The following PDGFRL variants were observed in gnomAD, a reference collection of about 807,000 sequenced individuals.
PDGFRL encodes the protein platelet derived growth factor receptor like, also known as platelet-derived growth factor receptor-like protein.
Under a neutral mutation model 37.2 loss-of-function variants are expected in PDGFRL, and 46 were observed. That is an observed-to-expected ratio of 1.24 (90% CI 0.98 to 1.58). The LOEUF (loss-of-function observed/expected upper bound fraction) is 1.58. PDGFRL is among the 40% of genes most tolerant of loss of function. The probability of loss-of-function intolerance (pLI) is 0.00; values close to 1 mark genes in which losing one functional copy is unlikely to be tolerated. For missense variants in PDGFRL, 692 were observed against 467.6 expected (o/e 1.48, Z -4.43); for synonymous variants, 251 against 184.3 (o/e 1.36, Z -2.93).
At chr8:17,593,367 G>A (rs1563508966) in intron 2 of PDGFRL, among the ~76,000 whole-genome samples, 1 of 151,888 alleles carries the variant, frequency 6.6e-6, no homozygotes, top group Non-Finnish European at 1.5e-5. Context: ...CAAGGTGGGC[G>A]GATCACTTGA....
chr8:17,606,825 T>C (rs1804287797), intron 2 of PDGFRL, among the ~76,000 whole-genome samples: 1 of 152,088 alleles, frequency 6.6e-6, no homozygotes, highest in Non-Finnish European at 1.5e-5. Flanking sequence ...GAGCTATTTC[T>C]GTTCACCATA....
At chr8:17,579,275 G>A (rs896846996) in intron 1 of PDGFRL, among the ~76,000 whole-genome samples, 2 of 152,140 alleles carry the variant, frequency 1.3e-5, no homozygotes, top group Non-Finnish European at 1.5e-5. Flanking sequence ...AACACACAGT[G>A]CTTCATTAAG....
intron 3 of PDGFRL, among the ~76,000 whole-genome samples, chr8:17,624,973 ATTTTTT>A (rs1179478605): frequency 7.4e-6 from 1 of 134,268 alleles, no homozygotes; most frequent in Non-Finnish European, 1.7e-5. Context: ...GCATTTATTT[ATTTTTT>A]TATTTTTATT....
At chr8:17,600,395 A>G (rs1376833211) in intron 2 of PDGFRL, among the ~76,000 whole-genome samples, 1 of 152,026 alleles carries the variant, frequency 6.6e-6, no homozygotes, top group Non-Finnish European at 1.5e-5. Context: ...TGTTGGTTCT[A>G]TACACTCCTC....
intron 3 of PDGFRL, among the ~76,000 whole-genome samples, chr8:17,626,257 G>T (rs1804731918): frequency 6.6e-6 from 1 of 152,182 alleles, no homozygotes; most frequent in Non-Finnish European, 1.5e-5. Flanking sequence ...CATGTAGATG[G>T]ACTCTGTGTG....
chr8:17,576,653 TA>T, upstream of PDGFRL: 1 of 946,860 alleles, frequency 1.1e-6, no homozygotes, highest in Non-Finnish European at 1.3e-6. Context: ...GTTATTCCTG[TA>T]ATGAACCCGT....
chr8:17,628,485 A>G lies in PDGFRL; in HGVS notation c.506-2A>G. ...AAGCCTGTGTCTTCCTTCCCTTTGC[A>G]GAGAAAGGAGAACTCTTTGTACCTT... On this transcript the variant is annotated splice_acceptor_variant, in intron 3 of 5. Coordinates refer to ENST00000251630, the MANE Select transcript of PDGFRL (RefSeq NM_001372073.1). LOFTEE classifies it high-confidence loss of function. The G allele has an allele frequency of 6.2e-7, 1 of 1,611,680 alleles. No homozygotes were observed. The highest frequency in any genetic ancestry group is 1.3e-5 in the African/African-American group (1 of 74,964).
intron 2 of PDGFRL, among the ~76,000 whole-genome samples, chr8:17,591,387 TGA>T (rs1346042511): frequency 2.6e-4 from 39 of 152,200 alleles, no homozygotes; most frequent in Non-Finnish European, 2.5e-4. Flanking sequence ...GGGAGGAACC[TGA>T]GCATGGGCTC....
At position 17,643,000 on chromosome 8, in the gene PDGFRL, C is replaced by A; in HGVS notation, c.*199C>A. 2 of 502,062 alleles carry A rather than the reference C, an allele frequency of 4.0e-6. No individual in the cohort carries two copies. Among genetic ancestry groups the A allele is most frequent in the Non-Finnish European group, 6.9e-6 (2 of 288,498 alleles). 31.1% of individuals were successfully genotyped at this position (502,062 alleles called of 1,614,324 possible). A position where few individuals can be genotyped will look rare whatever the true frequency, so the allele number is the denominator to read the frequency against. On this transcript the variant is annotated 3_prime_UTR_variant, in exon 6 of 6. Transcript: ENST00000251630. ...TTCACAGAAGTGTTAACTTTTCTAA[C>A]AGAAAGCATGATTTTGATTGCTTAC...
At position 17,641,574 on chromosome 8, in the gene PDGFRL, C is replaced by T. The variant is rs145990168; in HGVS notation, c.940-1039C>T. Among the ~76,000 whole-genome samples, 307 of 152,300 alleles carry T rather than the reference C, an allele frequency of 2.0e-3. 1 individual carries two copies. Among genetic ancestry groups the T allele is most frequent in the Non-Finnish European group, 2.7e-3 (182 of 68,014 alleles). On this transcript the variant is annotated intron_variant, in intron 5 of 5. Transcript: ENST00000251630. ...ACATCCACCAAGTGGACATAGACCACGCCAAAAAGGTGCTGTGAGGCCAGA... is the reference window on the plus strand; with the variant it reads ...ACATCCACCAAGTGGACATAGACCATGCCAAAAAGGTGCTGTGAGGCCAGA...
chr8:17,615,086 T>C (rs886437542), intron 2 of PDGFRL, among the ~76,000 whole-genome samples: 55 of 152,234 alleles, frequency 3.6e-4, no homozygotes, highest in Admixed American at 1.1e-3. Flanking sequence ...GTTATAAGTC[T>C]CATCATTGCC....
At chr8:17,627,649 T>A (rs1050808121) in intron 3 of PDGFRL, among the ~76,000 whole-genome samples, 3 of 143,464 alleles carry the variant, frequency 2.1e-5, no homozygotes, top group Non-Finnish European at 4.5e-5. Flanking sequence ...TTTTTTTTTT[T>A]ATTTTTAGTT....
At chr8:17,631,549 C>G (rs977211176) in intron 4 of PDGFRL, among the ~76,000 whole-genome samples, 1 of 152,080 alleles carries the variant, frequency 6.6e-6, no homozygotes, top group Non-Finnish European at 1.5e-5. Flanking sequence ...GAGCCCACCA[C>G]TCTTCCCCAC....
In PDGFRL at chr8:17,580,648, C is replaced by T. The variant is rs183748408; in HGVS notation, c.55+3341C>T. Reference sequence around the variant, plus strand: ...AATTTAAGGAAGTGGTAAGTGGCATCGAGAATCATGAATCAGGGTCTATTA... The same window carrying T: ...AATTTAAGGAAGTGGTAAGTGGCATTGAGAATCATGAATCAGGGTCTATTA... On this transcript the variant is annotated intron_variant, in intron 1 of 5. Transcript: ENST00000251630. 3.6e-4 allele frequency among the ~76,000 whole-genome samples: 55 copies of T among 152,214 alleles called. No homozygotes were observed. The South Asian group carries it at 0.011, about 30-fold the overall frequency.
Position 17,577,334 on chromosome 8 carries a change from C to T in PDGFRL, c.55+27C>T. The T allele has an allele frequency of 2.5e-6, 4 of 1,594,934 alleles. No individual in the cohort carries two copies. In the South Asian group the frequency reaches 4.5e-5, roughly 18 times the overall value. ...TGAGTGACTCTGGGCGCGGGGCCACCTAGCTTGTGCCCTGACTTTAGCCGG... is the reference window on the plus strand; with the variant it reads ...TGAGTGACTCTGGGCGCGGGGCCACTTAGCTTGTGCCCTGACTTTAGCCGG... On this transcript the variant is annotated intron_variant, in intron 1 of 5. Coordinates refer to ENST00000251630, the MANE Select transcript of PDGFRL (RefSeq NM_001372073.1).
chr8:17,609,649 A>T (rs1367779449), intron 2 of PDGFRL, among the ~76,000 whole-genome samples: 1 of 128,448 alleles, frequency 7.8e-6, no homozygotes, highest in African/African-American at 2.7e-5. Flanking sequence ...AAAAAAAAAA[A>T]AAAAAAAAAA....
chr8:17,619,873 T>C (rs1315074114), intron 2 of PDGFRL, among the ~76,000 whole-genome samples: 3 of 152,200 alleles, frequency 2.0e-5, no homozygotes, highest in African/African-American at 7.2e-5. Flanking sequence ...AATTACATTC[T>C]CCAAGAAGAG....
At chr8:17,634,715 G>A (rs1804934646) in intron 5 of PDGFRL, among the ~76,000 whole-genome samples, 1 of 152,076 alleles carries the variant, frequency 6.6e-6, no homozygotes, top group South Asian at 2.1e-4. Context: ...AACTAACACA[G>A]AAACAGAAAA....
At position 17,628,557 on chromosome 8, in the gene PDGFRL, T is replaced by C; in HGVS notation, c.576T>C (p.Ala192=). 6.2e-7 allele frequency: 1 copy of C among 1,613,920 alleles called. No individual in the cohort carries two copies. The highest frequency in any genetic ancestry group is 8.5e-7 in the Non-Finnish European group (1 of 1,179,754). Residue 192 remains alanine, a synonymous_variant, in exon 4 of 6, where the codon GCT becomes GCC. Transcript: ENST00000251630. ...TCTACTTGAACCCGGACAGACAGGC[T>C]GTGGTTCCTTGTCGGGTGACCGTGC... ...DVVYLNPDRQ[A]VVPCRVTVLS... is the part of the protein sequence containing the mutation.
Sources: allele counts gnomAD v4.1 joint callset (sites outside exome capture counted in the v4.1 genomes callset), GRCh38; gene constraint gnomAD v4.1.1; transcripts MANE v1.5; gene names NCBI Gene and HGNC (gene_info 2026-07-23, HGNC 2026-07-21).